SLC43A2: variants seen among roughly 807,000 people sequenced by gnomAD.
The protein encoded by SLC43A2 is solute carrier family 43 member 2.
SLC43A2 carries 38 observed loss-of-function variants against 63.2 expected under a neutral mutation model. The ratio of observed to expected loss-of-function variants is 0.60; its 90% CI spans 0.46 to 0.79. The LOEUF (loss-of-function observed/expected upper bound fraction) is 0.79, where lower values mean the gene tolerates loss of function less well. Ranked by LOEUF, SLC43A2 falls within the 30% of genes least tolerant of loss-of-function variation. The probability of loss-of-function intolerance (pLI) is 0.00; values close to 1 mark genes in which losing one functional copy is unlikely to be tolerated. For synonymous variants in SLC43A2, 322 were observed against 331.0 expected, an observed-to-expected ratio of 0.97 and a Z score of 0.30; for missense variants, 644 against 756.2, an observed-to-expected ratio of 0.85 and a Z score of 1.74.
At position 1,586,395 on chromosome 17, in the gene SLC43A2, C is replaced by G. The variant is rs565151492; in HGVS notation, c.1079-344G>C. Among the ~76,000 whole-genome samples, 11 of 152,204 alleles carry G rather than the reference C, an allele frequency of 7.2e-5. No homozygotes were observed. In the South Asian group the frequency reaches 2.3e-3, roughly 32 times the overall value. On this transcript the variant is annotated intron_variant, in intron 9 of 13. Coordinates refer to ENST00000301335, the MANE Select transcript of SLC43A2 (RefSeq NM_152346.3). ...TAAGTGACGGGCCGTTAGTTTCTGT[C>G]TCTAGAAATAGCCCAGAACGGCTGG...
intron 10 of SLC43A2, among the ~76,000 whole-genome samples, chr17:1,584,950 A>G (rs2076079057): frequency 6.6e-6 from 1 of 152,230 alleles, no homozygotes; most frequent in Non-Finnish European, 1.5e-5. Context: ...CTCTATTAAC[A>G]CATAATATGT....
At chr17:1,626,294 A>G (rs1029946362) in intron 2 of SLC43A2, among the ~76,000 whole-genome samples, 4 of 151,788 alleles carry the variant, frequency 2.6e-5, no homozygotes, top group Non-Finnish European at 4.4e-5. Context: ...AAACACTCCA[A>G]CCTGTGCCTT....
chr17:1,604,443 G>T (rs908693686), intron 5 of SLC43A2: 14 of 443,248 alleles, frequency 3.2e-5, no homozygotes, highest in African/African-American at 1.6e-4. Context: ...TCCCTCTACT[G>T]ATCAGCAGGA....
intron 4 of SLC43A2, 29 bp downstream of exon 4, chr17:1,614,950 G>A (rs1473149202): frequency 1.9e-6 from 3 of 1,612,272 alleles, no homozygotes; most frequent in Non-Finnish European, 1.7e-6. Flanking sequence ...CCCGGTCCCT[G>A]ACAGAAGATG....
intron 5 of SLC43A2, among the ~76,000 whole-genome samples, chr17:1,612,115 C>T (rs1356129423): frequency 6.6e-6 from 1 of 152,052 alleles, no homozygotes; most frequent in African/African-American, 2.4e-5. Context: ...AGGCATGCAC[C>T]ACCCGCCCGG....
At chr17:1,580,738 T>C (rs1476662984) in intron 11 of SLC43A2, among the ~76,000 whole-genome samples, 1 of 151,208 alleles carries the variant, frequency 6.6e-6, no homozygotes, top group Non-Finnish European at 1.5e-5. Context: ...ATTTTTTTTT[T>C]TTTTTTTTTG....
chr17:1,615,025 G>A lies in SLC43A2; in HGVS notation c.378C>T (p.Phe126=), dbSNP rs142174344. Residue 126 remains phenylalanine, a synonymous_variant, in exon 4 of 14, where the codon TTC becomes TTT. Transcript: ENST00000301335. The stretch of plus-strand genomic sequence containing the variant: ...ACGCAATCAGCAAGCAGGAAACCGC[G>A]AAGCAGGCGCTAAAACCAAGCAGAA... The part of the protein sequence containing the change: ...RKLRLLGSAC[F]AVSCLLIAYG... 1.1e-5 allele frequency: 18 copies of A among 1,613,844 alleles called. No homozygotes were observed. The highest frequency in any genetic ancestry group is 4.0e-5 in the African/African-American group (3 of 74,890).
rs1567622045 is a variant in SLC43A2 at position 1,591,581 on chromosome 17, T to A, written c.713A>T (p.Glu238Val). ...CTCTACTTACGAGTAGTCCATGTCC[T>A]CCGGCCCCGGGAAGGGCTCAAGGGG... Reference protein sequence around the residue: ...NWPLEPFPGPEDMDYSVKIKF... With the variant: ...NWPLEPFPGPVDMDYSVKIKF... The change falls in exon 7 of 14, where the codon GAG becomes GTG. Residue 238 changes from glutamate (E) to valine (V), a missense_variant. Glu to Val is a moderately radical substitution (Grantham distance 121). This residue lies in a region of SLC43A2 where 528 missense variants were observed against 623.6 expected (regional missense o/e 0.85). Transcript: ENST00000301335. The A allele has an allele frequency of 7.1e-6, 11 of 1,550,380 alleles. No homozygotes were observed. The highest frequency in any genetic ancestry group is 9.6e-6 in the Non-Finnish European group (11 of 1,147,616).
chr17:1,619,514 C>A (rs1423930340), intron 2 of SLC43A2, among the ~76,000 whole-genome samples: 2 of 152,174 alleles, frequency 1.3e-5, no homozygotes, highest in African/African-American at 4.8e-5. Context: ...CAAAAAGAAG[C>A]TCTACCACAC....
chr17:1,611,824 C>CAGA (rs1257128388), intron 5 of SLC43A2, among the ~76,000 whole-genome samples: 2 of 152,168 alleles, frequency 1.3e-5, no homozygotes, highest in Non-Finnish European at 2.9e-5. Flanking sequence ...CCTTGATGGA[C>CAGA]AGAAGCCTCT....
chr17:1,578,349 G>A lies in SLC43A2; in HGVS notation c.1351-26C>T. ...CTGGGGGAGGAAAAGGCGACTGTGG[G>A]CATAAGGCCTTAAGGGACCGTCCCC... On this transcript the variant is annotated intron_variant, in intron 11 of 13. Coordinates refer to ENST00000301335, the MANE Select transcript of SLC43A2 (RefSeq NM_152346.3). This position sits in a 1 kb window ranked among gnomAD's most constrained non-coding sequence, Gnocchi z 6.5. 1 of 1,611,830 alleles carries A rather than the reference G, an allele frequency of 6.2e-7. No individual in the cohort carries two copies. Among genetic ancestry groups the A allele is most frequent in the Non-Finnish European group, 8.5e-7 (1 of 1,178,718 alleles).
chr17:1,588,543 A>C (rs947998361), intron 9 of SLC43A2, among the ~76,000 whole-genome samples: 3 of 151,338 alleles, frequency 2.0e-5, no homozygotes, highest in Non-Finnish European at 4.4e-5. Flanking sequence ...AAAAAAAAAA[A>C]CAAATTAGCC....
intron 2 of SLC43A2, among the ~76,000 whole-genome samples, chr17:1,620,001 T>C (rs1430914445): frequency 6.6e-6 from 1 of 152,150 alleles, no homozygotes; most frequent in Non-Finnish European, 1.5e-5. Context: ...GACCTCCAGT[T>C]ACCCCAGGGA....
intron 11 of SLC43A2, among the ~76,000 whole-genome samples, chr17:1,580,185 T>A (rs2075990964): frequency 6.6e-6 from 1 of 152,220 alleles, no homozygotes; most frequent in African/African-American, 2.4e-5. Context: ...CCCAAAGTGC[T>A]GGGATTACAG....
intron 2 of SLC43A2, among the ~76,000 whole-genome samples, chr17:1,618,996 A>AAAAC (rs372146020): frequency 8.6e-5 from 13 of 151,434 alleles, no homozygotes; most frequent in Non-Finnish European, 1.5e-4. Context: ...AAAAAAACAA[A>AAAAC]AAACAAACAA....
chr17:1,620,696 C>T (rs577944637), intron 2 of SLC43A2, among the ~76,000 whole-genome samples: 1 of 152,048 alleles, frequency 6.6e-6, no homozygotes, highest in South Asian at 2.1e-4. Flanking sequence ...AGTCTCCCTC[C>T]TGCTGGAGGG....
chr17:1,611,372 C>T (rs1187116043), intron 5 of SLC43A2, among the ~76,000 whole-genome samples: 2 of 152,136 alleles, frequency 1.3e-5, no homozygotes, highest in African/African-American at 2.4e-5. Context: ...CCGTGGCTCA[C>T]GCCTGTCATC....
intron 5 of SLC43A2, among the ~76,000 whole-genome samples, chr17:1,612,210 T>A (rs1190664191): frequency 1.3e-5 from 2 of 152,096 alleles, no homozygotes; most frequent in Non-Finnish European, 2.9e-5. Context: ...GTGATCCGCC[T>A]GCCTCAGTCT....
intron 2 of SLC43A2, among the ~76,000 whole-genome samples, chr17:1,621,164 C>T (rs150672956): frequency 1.3e-5 from 2 of 152,306 alleles, no homozygotes; most frequent in Admixed American, 1.3e-4. Context: ...AGAAGACGCA[C>T]AAGATCTTTA....
Sources: gnomAD v4.1 joint callset for allele counts (sites outside exome capture counted in the v4.1 genomes callset) on GRCh38, gnomAD v4.1.1 for gene constraint, gnomAD v4.1.1 regional missense constraint, Gnocchi (gnomAD v3.1) non-coding constraint, MANE v1.5 for transcripts, NCBI Gene and HGNC (gene_info 2026-07-23, HGNC 2026-07-21) for gene names.